SCP2: variants seen among roughly 807,000 people sequenced by gnomAD.
The protein encoded by SCP2 is sterol carrier protein 2.
A neutral mutation model predicts 71.4 loss-of-function variants in SCP2; 48 were observed. The ratio of observed to expected loss-of-function variants is 0.67; its 90% CI spans 0.53 to 0.86. SCP2 has a LOEUF of 0.86. SCP2 is among the 40% of genes least tolerant of loss of function. The pLI is 0.00. For missense variants in SCP2, 560 were observed against 655.6 expected, an observed-to-expected ratio of 0.85 and a Z score of 1.59; for synonymous variants, 220 against 218.1, an observed-to-expected ratio of 1.01 and a Z score of -0.08.
intron 11 of SCP2, among the ~76,000 whole-genome samples, chr1:52,991,152 C>T (rs1659460542): frequency 6.6e-6 from 1 of 152,176 alleles, no homozygotes; most frequent in South Asian, 2.1e-4. Flanking sequence ...TAGTATGTAG[C>T]TTAGCCAGTT....
chr1:53,031,457 C>G (rs1047492207), intron 13 of SCP2, among the ~76,000 whole-genome samples: 4 of 152,202 alleles, frequency 2.6e-5, no homozygotes, highest in Non-Finnish European at 5.9e-5. Flanking sequence ...CAAAGGCAGC[C>G]TGGCAAAAGA....
intron 5 of SCP2, among the ~76,000 whole-genome samples, chr1:52,958,399 T>C (rs904530012): frequency 6.6e-6 from 1 of 151,938 alleles, no homozygotes; most frequent in African/African-American, 2.4e-5. Flanking sequence ...CCGGGCTAAT[T>C]TGTGTATTTT....
intron 11 of SCP2, among the ~76,000 whole-genome samples, chr1:53,003,325 TCTA>T (rs1330424097): frequency 1.3e-5 from 2 of 152,198 alleles, no homozygotes; most frequent in Non-Finnish European, 2.9e-5. Context: ...CTCAAATGAT[TCTA>T]CTATCTCAGT....
At chr1:53,001,044 G>A (rs1358883087) in intron 11 of SCP2, among the ~76,000 whole-genome samples, 1 of 151,920 alleles carries the variant, frequency 6.6e-6, no homozygotes, top group Non-Finnish European at 1.5e-5. Flanking sequence ...ATTTTCTTGG[G>A]TCTGGGTTGG....
At chr1:53,010,043 G>A (rs1660883541) in intron 11 of SCP2, among the ~76,000 whole-genome samples, 1 of 152,124 alleles carries the variant, frequency 6.6e-6, no homozygotes, top group African/African-American at 2.4e-5. Context: ...ATCATCACTG[G>A]CCATCAGAGA....
intron 4 of SCP2, among the ~76,000 whole-genome samples, chr1:52,951,645 C>T (rs1440494010): frequency 6.7e-6 from 1 of 150,172 alleles, no homozygotes. Context: ...TAAAACTCAC[C>T]TTTTTAAAGT....
chr1:53,015,033 G>A lies in SCP2; in HGVS notation c.1225G>A (p.Glu409Lys). 6.2e-7 allele frequency: 1 copy of A among 1,614,138 alleles called. No homozygotes were observed. The highest frequency in any genetic ancestry group is 8.5e-7 in the Non-Finnish European group (1 of 1,179,994). Reference sequence around the variant, plus strand: ...AACACTCTACAAGATGGGTTTTCCGGAAGCCGCCAGGTGAGTGACATTCAG... The same window carrying A: ...AACACTCTACAAGATGGGTTTTCCGAAAGCCGCCAGGTGAGTGACATTCAG... ...VVTLYKMGFPEAASSFRTHQI... is the reference protein window; with the variant it reads ...VVTLYKMGFPKAASSFRTHQI... The change falls in exon 12 of 16, where the codon GAA becomes AAA. Residue 409 changes from glutamate to lysine, a missense_variant. Glu to Lys is a moderately conservative substitution (Grantham distance 56, BLOSUM62 1). Transcript: ENST00000371514.
chr1:53,047,536 TATC>T lies in SCP2; in HGVS notation c.1469-319_1469-317del, dbSNP rs547342721. Among the ~76,000 whole-genome samples, 93 of 152,366 alleles carry T rather than the reference TATC, an allele frequency of 6.1e-4. 1 individual carries two copies. The highest frequency in any genetic ancestry group is 2.1e-3 in the African/African-American group (89 of 41,588). Reference sequence around the variant, plus strand: ...CTTTTGTAACTGGCTTATATAATAATATCATGAATAATGTAACATGAACATTTT... The same window carrying T: ...CTTTTGTAACTGGCTTATATAATAATATGAATAATGTAACATGAACATTTT... On this transcript the variant is annotated intron_variant, in intron 14 of 15. Transcript: ENST00000371514.
chr1:52,959,796 A>G (rs1303082852), intron 5 of SCP2, among the ~76,000 whole-genome samples: 1 of 151,518 alleles, frequency 6.6e-6, no homozygotes, highest in African/African-American at 2.4e-5. Flanking sequence ...GGTAATTTTT[A>G]TCTTCTCTCT....
At position 52,993,241 on chromosome 1, in the gene SCP2, TGTTG is replaced by T. The variant is rs750835312; in HGVS notation, c.1081+5109_1081+5112del. 75 of 1,614,078 alleles carry T rather than the reference TGTTG, an allele frequency of 4.6e-5. 1 individual carries two copies. The Admixed American group carries it at 7.7e-4, about 16-fold the overall frequency. ...AGCCTTTCTTGTCTTTTTCTTTCCG[TGTTG>T]GTTCTGGTGAAGGAGGACATTCCTG... On this transcript the variant is annotated intron_variant, in intron 11 of 15. Transcript: ENST00000371514.
chr1:53,003,122 C>A (rs1660421345), intron 11 of SCP2, among the ~76,000 whole-genome samples: 1 of 152,172 alleles, frequency 6.6e-6, no homozygotes, highest in South Asian at 2.1e-4. Flanking sequence ...CTATCTGTGC[C>A]AGGACAAATG....
At chr1:52,946,194 G>A (rs893559313) in intron 2 of SCP2, among the ~76,000 whole-genome samples, 2 of 151,604 alleles carry the variant, frequency 1.3e-5, no homozygotes, top group African/African-American at 4.9e-5. Context: ...CTCCCAAAGT[G>A]CTAGGATTAC....
At chr1:52,935,548 C>T (rs1214785379) in intron 1 of SCP2, among the ~76,000 whole-genome samples, 1 of 149,718 alleles carries the variant, frequency 6.7e-6, no homozygotes, top group Non-Finnish European at 1.5e-5. Flanking sequence ...TGAGATTGTG[C>T]CACTGCACTT....
chr1:52,944,776 C>T (rs1414576518), intron 2 of SCP2, among the ~76,000 whole-genome samples: 1 of 151,854 alleles, frequency 6.6e-6, no homozygotes, highest in Non-Finnish European at 1.5e-5. Flanking sequence ...AATCCCAACA[C>T]GTTGAGAGGC....
At chr1:52,960,512 G>GTATA (rs1656260162) in intron 5 of SCP2, among the ~76,000 whole-genome samples, 2 of 137,210 alleles carry the variant, frequency 1.5e-5, no homozygotes, top group East Asian at 2.7e-4. Flanking sequence ...GTGTGTGTGT[G>GTATA]TGTGTGTATA....
In SCP2 at chr1:53,027,244, G is replaced by A. The variant is rs1053371338; in HGVS notation, c.1236-725G>A. On this transcript the variant is annotated intron_variant, in intron 12 of 15. Coordinates refer to ENST00000371514, the MANE Select transcript of SCP2 (RefSeq NM_002979.5). Reference sequence around the variant, plus strand: ...CAATTTTTGTGTTTTTTATAGAGACGGGGTTTCAACATGTTGCCCAGGCTG... The same window carrying A: ...CAATTTTTGTGTTTTTTATAGAGACAGGGTTTCAACATGTTGCCCAGGCTG... Among the ~76,000 whole-genome samples the A allele has an allele frequency of 5.3e-5, 8 of 152,182 alleles. No homozygotes were observed. In the East Asian group the frequency reaches 5.8e-4, roughly 11 times the overall value.
intron 3 of SCP2, among the ~76,000 whole-genome samples, chr1:52,948,548 C>G (rs1655008948): frequency 1.3e-5 from 2 of 150,604 alleles, no homozygotes; most frequent in African/African-American, 4.9e-5. Flanking sequence ...TCTCTTGAAC[C>G]CAGGAGGCAG....
Position 53,050,828 on chromosome 1 carries a change from T to G in SCP2, c.*124T>G, listed in dbSNP as rs1225743389. 3 of 748,304 alleles carry G rather than the reference T, an allele frequency of 4.0e-6. No individual in the cohort carries two copies. Among genetic ancestry groups the G allele is most frequent in the East Asian group, 5.2e-5 (2 of 38,404 alleles). 46.4% of individuals were successfully genotyped at this position (748,304 alleles called of 1,614,324 possible). On this transcript the variant is annotated 3_prime_UTR_variant, in exon 16 of 16. Coordinates refer to ENST00000371514, the MANE Select transcript of SCP2 (RefSeq NM_002979.5). ...AAATAGCGTGGGATAGATTTGTTTC[T>G]TAATGGGTGTGACCAATCCTGTTTT...
chr1:52,994,695 G>A (rs1659796805), intron 11 of SCP2: 7 of 679,388 alleles, frequency 1.0e-5, no homozygotes, highest in South Asian at 1.5e-5. Flanking sequence ...ATACCTTGAG[G>A]CGAGCAAAAA....
Sources: gnomAD v4.1 joint callset for allele counts (sites outside exome capture counted in the v4.1 genomes callset) on GRCh38, gnomAD v4.1.1 for gene constraint, MANE v1.5 for transcripts, NCBI Gene and HGNC (gene_info 2026-07-23, HGNC 2026-07-21) for gene names.